AFAP1: variants seen among roughly 807,000 people sequenced by gnomAD.
The protein encoded by AFAP1 is actin filament associated protein 1.
Under a neutral mutation model 93.9 loss-of-function variants are expected in AFAP1, and 75 were observed. The observed-to-expected ratio is 0.80, with a 90% CI of 0.66 to 0.97. AFAP1 has a LOEUF of 0.97. AFAP1 is among the 50% of genes least tolerant of loss of function. The probability of loss-of-function intolerance (pLI) is 0.00; values close to 1 mark genes in which losing one functional copy is unlikely to be tolerated. For missense variants in AFAP1, 1,201 were observed against 1,050.8 expected, an observed-to-expected ratio of 1.14 and a Z score of -1.98; for synonymous variants, 517 against 430.7, an observed-to-expected ratio of 1.20 and a Z score of -2.48.
chr4:7,767,714 G>T (rs1054672168), intron 17 of AFAP1, among the ~76,000 whole-genome samples: 2 of 152,126 alleles, frequency 1.3e-5, no homozygotes, highest in Non-Finnish European at 1.5e-5. Flanking sequence ...AGCACAGCAG[G>T]GGGGCGGCAC....
At chr4:7,855,864 C>T (rs901518509) in intron 3 of AFAP1, among the ~76,000 whole-genome samples, 1 of 152,164 alleles carries the variant, frequency 6.6e-6, no homozygotes, top group African/African-American at 2.4e-5. Flanking sequence ...ACAGAATGCC[C>T]CTTCCCCCAC....
intron 1 of AFAP1, among the ~76,000 whole-genome samples, chr4:7,924,299 G>T (rs774460869): frequency 3.3e-5 from 5 of 152,118 alleles, no homozygotes; most frequent in African/African-American, 4.8e-5. Flanking sequence ...ACCAACAAAG[G>T]TTACACAAAT....
At chr4:7,794,394 A>G (rs193030806) in intron 10 of AFAP1, among the ~76,000 whole-genome samples, 66 of 152,340 alleles carry the variant, frequency 4.3e-4, no homozygotes, top group African/African-American at 1.5e-3. Context: ...ACACTCTGTA[A>G]TCACTGGGCT....
At chr4:7,866,667 G>T (rs1716430871) in intron 3 of AFAP1, among the ~76,000 whole-genome samples, 1 of 152,200 alleles carries the variant, frequency 6.6e-6, no homozygotes, top group Admixed American at 6.5e-5. Flanking sequence ...AAGAACTGCT[G>T]ATTTCCCATC....
At chr4:7,796,009 GTATA>G (rs773208380) in intron 10 of AFAP1, among the ~76,000 whole-genome samples, 12 of 152,080 alleles carry the variant, frequency 7.9e-5, no homozygotes, top group Non-Finnish European at 1.8e-4. Context: ...GCATGTACGT[GTATA>G]TATACACTTG....
intron 1 of AFAP1, among the ~76,000 whole-genome samples, chr4:7,918,200 C>G (rs1720199554): frequency 9.0e-6 from 1 of 111,054 alleles, no homozygotes; most frequent in African/African-American, 4.2e-5. Context: ...GCCCAGGTCA[C>G]CAGGAAACAG....
intron 5 of AFAP1, 29 bp from the exon 6 acceptor site, chr4:7,838,732 A>G: frequency 2.5e-6 from 4 of 1,604,166 alleles, no homozygotes; most frequent in Non-Finnish European, 3.4e-6. Context: ...ATCAACTGAT[A>G]TTATAAGGGA....
Position 7,772,915 on chromosome 4 carries a change from G to C in AFAP1, c.2158C>G (p.Leu720Val). The change falls in exon 16 of 18, where the codon CTG (leucine) becomes GTG (valine). Residue 720 changes from leucine (L) to valine (V), a missense_variant. By Grantham distance (32) the Leu-to-Val change is conservative. Transcript: ENST00000420658. ...TTCAGGCTCTCCTTGACCTCCGTCAGCTCCAGCTCCAGGCTGACACGCTCC... is the reference window on the plus strand; with the variant it reads ...TTCAGGCTCTCCTTGACCTCCGTCACCTCCAGCTCCAGGCTGACACGCTCC... ...EAERVSLELE[L>V]TEVKESLKKA... 1.9e-6 allele frequency: 3 copies of C among 1,614,096 alleles called. No individual in the cohort carries two copies. The highest frequency in any genetic ancestry group is 2.2e-5 in the East Asian group (1 of 44,890).
intron 1 of AFAP1, among the ~76,000 whole-genome samples, chr4:7,887,524 T>C (rs990916272): frequency 6.6e-6 from 1 of 152,216 alleles, no homozygotes; most frequent in Non-Finnish European, 1.5e-5. Flanking sequence ...GCCACCAATA[T>C]AATGTTAAAA....
At chr4:7,799,711 A>G (rs1178090409) in intron 10 of AFAP1, among the ~76,000 whole-genome samples, 2 of 152,304 alleles carry the variant, frequency 1.3e-5, no homozygotes, top group East Asian at 1.9e-4. Context: ...AAATCACAGG[A>G]AAAAAAGGTC....
At chr4:7,852,568 C>G (rs1714568640) in intron 4 of AFAP1, among the ~76,000 whole-genome samples, 1 of 152,024 alleles carries the variant, frequency 6.6e-6, no homozygotes. Flanking sequence ...TCATGACCAT[C>G]CAATACAGAA....
intron 6 of AFAP1, among the ~76,000 whole-genome samples, chr4:7,825,255 T>TC (rs1721321046): frequency 6.6e-6 from 1 of 152,138 alleles, no homozygotes; most frequent in African/African-American, 2.4e-5. Context: ...ACCCTATGCT[T>TC]CCCGACTCTC....
At position 7,776,093 on chromosome 4, in the gene AFAP1, A is replaced by T. The variant is rs374500953; in HGVS notation, c.1898-1190T>A. ...ACTCGGATGGAGGATCACCGATTTC[A>T]AAGCTTCCGTGGTCTCCCAGTCGCT... On this transcript the variant is annotated intron_variant, in intron 14 of 17. Coordinates refer to ENST00000420658, the MANE Select transcript of AFAP1 (RefSeq NM_001134647.2). 2.6e-5 allele frequency: 4 copies of T among 152,342 alleles called. No individual in the cohort carries two copies. In the East Asian group the frequency reaches 5.8e-4, roughly 22 times the overall value. 9.4% of individuals were successfully genotyped at this position (152,342 alleles called of 1,614,324 possible).
At chr4:7,869,180 GAAAA>G (rs1716794113) in intron 2 of AFAP1, among the ~76,000 whole-genome samples, 1 of 150,898 alleles carries the variant, frequency 6.6e-6, no homozygotes, top group Non-Finnish European at 1.5e-5. Context: ...AAAGAAAAGA[GAAAA>G]GAAAAGAGGA....
At chr4:7,852,510 G>A (rs548169339) in intron 4 of AFAP1, among the ~76,000 whole-genome samples, 1 of 152,220 alleles carries the variant, frequency 6.6e-6, no homozygotes, top group South Asian at 2.1e-4. Context: ...AAGACCCCCT[G>A]AGTGCCCCTC....
At chr4:7,930,367 CCACCGGTGGCTAGCTCAATCTCTCAT>C (rs1343744010) in intron 1 of AFAP1, among the ~76,000 whole-genome samples, 24 of 2,518 alleles carry the variant, frequency 9.5e-3, no homozygotes, top group African/African-American at 0.076. Flanking sequence ...AAGTCATTGG[CCACCGGTGGCTAGCTCAATCTCTCAT>C]TGGCCACCGG....
At chr4:7,883,182 T>G (rs894723534) in intron 1 of AFAP1, among the ~76,000 whole-genome samples, 1 of 84,778 alleles carries the variant, frequency 1.2e-5, no homozygotes, top group African/African-American at 5.0e-5. Context: ...TGAAACCCTA[T>G]CTCAAAAAAA....
rs549017982 is a variant in AFAP1, at chr4:7,791,862, A to C, written c.1412+1819T>G. Among the ~76,000 whole-genome samples the C allele has an allele frequency of 1.6e-3, 243 of 151,940 alleles. 2 individuals are homozygous for C. The highest frequency in any genetic ancestry group is 5.6e-3 in the African/African-American group (233 of 41,388). On this transcript the variant is annotated intron_variant, in intron 11 of 17. Transcript: ENST00000420658. ...TTAATCAAAAAAAAACAAAAACAAA[A>C]AACAACAACAACAAAACCCTAATAA... is the stretch of plus-strand genomic sequence containing the variant.
chr4:7,763,997 C>T lies in AFAP1; in HGVS notation c.2419-206G>A, dbSNP rs533608496. On this transcript the variant is annotated intron_variant, in intron 17 of 17. Coordinates refer to ENST00000420658, the MANE Select transcript of AFAP1 (RefSeq NM_001134647.2). ...AGCATGGTCTCCAGCAGATACCACA[C>T]ACCCCGTTCACAGCAGCATGACTCA... 3.3e-5 allele frequency among the ~76,000 whole-genome samples: 5 copies of T among 152,308 alleles called. No individual in the cohort carries two copies. The East Asian group carries it at 5.8e-4, about 18-fold the overall frequency.
Sources: allele counts gnomAD v4.1 joint callset (sites outside exome capture counted in the v4.1 genomes callset), GRCh38; gene constraint gnomAD v4.1.1; transcripts MANE v1.5; gene names NCBI Gene and HGNC (gene_info 2026-07-23, HGNC 2026-07-21).